TLN2: variants seen among roughly 807,000 people sequenced by gnomAD.
TLN2 encodes talin 2.
Under a neutral mutation model 294.7 loss-of-function variants are expected in TLN2, and 118 were observed. The observed-to-expected ratio is 0.40, with a 90% CI of 0.34 to 0.47. The LOEUF (loss-of-function observed/expected upper bound fraction) is 0.47, where lower values mean the gene tolerates loss of function less well. Among genes scored for constraint, TLN2 ranks in the 20% least tolerant of loss-of-function variants. TLN2 has a pLI of 0.84. For missense variants in TLN2, 3,083 were observed against 3,282.2 expected (o/e 0.94, Z 1.48); for synonymous variants, 1,431 against 1,304.5 (o/e 1.10, Z -2.09).
chr15:62,410,847 A>G (rs370152449), intron 1 of TLN2, among the ~76,000 whole-genome samples: 1 of 152,220 alleles, frequency 6.6e-6, no homozygotes, highest in Non-Finnish European at 1.5e-5. Context: ...GTGGGAGAAG[A>G]GTCCTTTGGT....
At chr15:62,834,612 T>C (rs2069267781) in intron 55 of TLN2, 2 of 152,184 alleles carry the variant, frequency 1.3e-5, no homozygotes, top group African/African-American at 4.8e-5. Flanking sequence ...TTGTAGGTTA[T>C]TCAGTATTGG....
chr15:62,766,264 A>G (rs1160552430), intron 40 of TLN2, 57 bp from the exon 41 acceptor site: 3 of 1,464,658 alleles, frequency 2.0e-6, no homozygotes, highest in Non-Finnish European at 2.8e-6. Context: ...TTTTTGAATC[A>G]GTGCAGCTCT....
intron 1 of TLN2, among the ~76,000 whole-genome samples, chr15:62,567,756 TTGTACC>T (rs1323597512): frequency 6.6e-6 from 1 of 152,086 alleles, no homozygotes; most frequent in Non-Finnish European, 1.5e-5. Flanking sequence ...GGAGAATTGC[TTGTACC>T]TGGGAGGTGG....
intron 50 of TLN2, among the ~76,000 whole-genome samples, chr15:62,805,362 G>A (rs749177885): frequency 3.3e-5 from 5 of 152,126 alleles, no homozygotes; most frequent in South Asian, 2.1e-4. Flanking sequence ...CTCTAGATAC[G>A]TCTCCCTCAC....
intron 1 of TLN2, among the ~76,000 whole-genome samples, chr15:62,416,546 G>T (rs148362167): frequency 6.6e-6 from 1 of 152,286 alleles, no homozygotes; most frequent in African/African-American, 2.4e-5. Context: ...TAAATTTGCC[G>T]TATCTTTGAG....
At chr15:62,567,748 A>C (rs2043528810) in intron 1 of TLN2, among the ~76,000 whole-genome samples, 1 of 152,112 alleles carries the variant, frequency 6.6e-6, no homozygotes, top group Non-Finnish European at 1.5e-5. Context: ...TTGAGGAAGG[A>C]GAATTGCTTG....
intron 22 of TLN2, among the ~76,000 whole-genome samples, chr15:62,714,303 C>T (rs1023532700): frequency 7.3e-5 from 11 of 150,388 alleles, no homozygotes; most frequent in South Asian, 2.1e-4. Flanking sequence ...CCTGGGTTCA[C>T]GCCATTCTCC....
chr15:62,843,330 G>C lies in TLN2; in HGVS notation c.*2720G>C, dbSNP rs2141278042. 1 of 152,346 alleles carries C rather than the reference G, an allele frequency of 6.6e-6. No homozygotes were observed. Among genetic ancestry groups the C allele is most frequent in the South Asian group, 2.1e-4 (1 of 4,822 alleles). The allele number at this position is 152,346 out of a possible 1,614,324, so 9.4% of individuals were successfully genotyped here. ...AACTGCCCAGTGATTTGAAAATTTA[G>C]ATTTTACTTGGGCCTTTCAGGAGTC... On this transcript the variant is annotated 3_prime_UTR_variant, in exon 59 of 59. Coordinates refer to ENST00000636159, the MANE Select transcript of TLN2 (RefSeq NM_015059.3).
Position 62,843,120 on chromosome 15 carries a change from C to CA in TLN2, c.*2511dup, listed in dbSNP as rs2070870111. 1.3e-5 allele frequency: 2 copies of CA among 152,126 alleles called. No homozygotes were observed. The highest frequency in any genetic ancestry group is 4.2e-4 in the South Asian group (2 of 4,808). 9.4% of individuals were successfully genotyped at this position (152,126 alleles called of 1,614,324 possible). On this transcript the variant is annotated 3_prime_UTR_variant, in exon 59 of 59. Coordinates refer to ENST00000636159, the MANE Select transcript of TLN2 (RefSeq NM_015059.3). ...AGAACACCTAATAAGAGAGTGGTGT[C>CA]AGAGTAAAAACGGCCCCAGGTCTGG...
chr15:62,816,482 ACTC>A (rs1304180665), intron 52 of TLN2, among the ~76,000 whole-genome samples: 1 of 151,714 alleles, frequency 6.6e-6, no homozygotes, highest in African/African-American at 2.4e-5. Flanking sequence ...TAAAAATAGA[ACTC>A]CTCTTCTCCT....
At chr15:62,669,134 A>G (rs1030168430) in intron 9 of TLN2, among the ~76,000 whole-genome samples, 10 of 152,228 alleles carry the variant, frequency 6.6e-5, no homozygotes, top group African/African-American at 2.4e-4. Flanking sequence ...TTAGATTTCC[A>G]TGATTTTTTT....
intron 41 of TLN2, among the ~76,000 whole-genome samples, 153 bp downstream of exon 41, chr15:62,766,575 CCT>C (rs1400847336): frequency 6.6e-6 from 1 of 152,194 alleles, no homozygotes; most frequent in Admixed American, 6.5e-5. Context: ...TAACACTGAA[CCT>C]CTCTCTGGCA....
Position 62,682,025 on chromosome 15 carries a change from G to A in TLN2, c.958-4616G>A, listed in dbSNP as rs146919463. Among the ~76,000 whole-genome samples, 1,412 of 152,278 alleles carry A rather than the reference G, an allele frequency of 9.3e-3. 24 individuals carry two copies. Among genetic ancestry groups the A allele is most frequent in the African/African-American group, 0.032 (1,326 of 41,554 alleles). ...CCACCTCAGTTTCCCAAAGTGTTGG[G>A]ATTGCAGGCATGAGCCACTGTATCT... On this transcript the variant is annotated intron_variant, in intron 11 of 58. Coordinates refer to ENST00000636159, the MANE Select transcript of TLN2 (RefSeq NM_015059.3).
intron 33 of TLN2, 77 bp downstream of exon 33, chr15:62,748,521 A>ATGTCTG (rs1197033707): frequency 1.7e-6 from 2 of 1,188,756 alleles, no homozygotes; most frequent in African/African-American, 3.0e-5. Context: ...CTGTCTGTCT[A>ATGTCTG]TGTCTGTGTC....
intron 4 of TLN2, among the ~76,000 whole-genome samples, chr15:62,649,375 T>C (rs754482539): frequency 2.0e-5 from 3 of 152,118 alleles, no homozygotes; most frequent in Non-Finnish European, 4.4e-5. Flanking sequence ...AAGTTGCTTT[T>C]CTAAGAAACA....
At chr15:62,745,440 C>G (rs2061559012) in intron 32 of TLN2, among the ~76,000 whole-genome samples, 1 of 152,076 alleles carries the variant, frequency 6.6e-6, no homozygotes, top group Non-Finnish European at 1.5e-5. Flanking sequence ...TGATTAATTT[C>G]TAATGGGGGG....
intron 1 of TLN2, among the ~76,000 whole-genome samples, chr15:62,538,645 G>A (rs1455332765): frequency 6.6e-6 from 1 of 152,144 alleles, no homozygotes; most frequent in Non-Finnish European, 1.5e-5. Flanking sequence ...GAATCTACAG[G>A]ATTTAATGTG....
intron 12 of TLN2, among the ~76,000 whole-genome samples, chr15:62,689,079 T>C (rs1314292164): frequency 2.0e-5 from 3 of 151,672 alleles, no homozygotes; most frequent in Non-Finnish European, 4.4e-5. Flanking sequence ...TTTTTTTTTT[T>C]TTTTTTGCCT....
intron 57 of TLN2, among the ~76,000 whole-genome samples, chr15:62,836,484 C>G (rs2069610411): frequency 6.6e-6 from 1 of 152,224 alleles, no homozygotes; most frequent in Admixed American, 6.5e-5. Context: ...TTGTGAGCCT[C>G]TTAGATGCAG....
Sources: gnomAD v4.1 joint callset for allele counts (sites outside exome capture counted in the v4.1 genomes callset) on GRCh38, gnomAD v4.1.1 for gene constraint, MANE v1.5 for transcripts, NCBI Gene and HGNC (gene_info 2026-07-23, HGNC 2026-07-21) for gene names.